HAS3: variants seen among roughly 807,000 people sequenced by gnomAD.
The protein encoded by HAS3 is hyaluronan synthase 3, also known as HA synthase 3.
In HAS3, 27 loss-of-function variants were observed where a neutral mutation model predicts 50.3. The ratio of observed to expected loss-of-function variants is 0.54; its 90% CI spans 0.40 to 0.74. HAS3 has a LOEUF of 0.74. Among genes scored for constraint, HAS3 ranks in the 30% least tolerant of loss-of-function variants. The probability of loss-of-function intolerance (pLI) is 0.00; values close to 1 mark genes in which losing one functional copy is unlikely to be tolerated. For synonymous variants in HAS3, 339 were observed against 310.9 expected (o/e 1.09, Z -0.95); for missense variants, 517 against 742.8 (o/e 0.70, Z 3.53).
Position 69,114,889 on chromosome 16 carries a change from T to C in HAS3, c.1285T>C (p.Phe429Leu), listed in dbSNP as rs753168415. The C allele has an allele frequency of 1.9e-6, 3 of 1,614,136 alleles. No individual in the cohort carries two copies. In the South Asian group the frequency reaches 3.3e-5, roughly 18 times the overall value. The change falls in exon 4 of 4, where the codon TTC (phenylalanine) becomes CTC (leucine). Residue 429 changes from phenylalanine (F) to leucine (L), a missense_variant. Phe to Leu is a conservative substitution (Grantham distance 22). Coordinates refer to ENST00000569188, the MANE Select transcript of HAS3 (RefSeq NM_001199280.2). The surrounding 1 kb of genome is among the most constrained non-coding windows in gnomAD (Gnocchi z 6.4). The stretch of plus-strand genomic sequence containing the variant: ...CATTATCAAGGCCACCTACGCCTGC[T>C]TCCTTCGGGGCAATGCAGAGATGAT... ...VGIIKATYAC[F>L]LRGNAEMIFM...
chr16:69,109,809 G>A lies in HAS3; in HGVS notation c.414G>A (p.Glu138=). The change falls in exon 2 of 4, where the codon GAG becomes GAA. Residue 138 remains glutamate (E), a synonymous_variant. Coordinates refer to ENST00000569188, the MANE Select transcript of HAS3 (RefSeq NM_001199280.2). This position sits in a 1 kb window ranked among gnomAD's most constrained non-coding sequence, Gnocchi z 5.3. ...EDAYMLDIFH[E]VLGGTEQAGF... ...CCTACATGCTGGACATCTTCCACGAGGTGCTGGGCGGCACCGAGCAGGCCG... is the reference window on the plus strand; with the variant it reads ...CCTACATGCTGGACATCTTCCACGAAGTGCTGGGCGGCACCGAGCAGGCCG... The A allele has an allele frequency of 6.2e-7, 1 of 1,612,496 alleles. No individual in the cohort carries two copies. Among genetic ancestry groups the A allele is most frequent in the Non-Finnish European group, 8.5e-7 (1 of 1,180,018 alleles).
rs767974007 is a variant in HAS3 at position 69,107,130 on chromosome 16, A to G, written c.-1+1343A>G. 1.2e-5 allele frequency: 2 copies of G among 161,382 alleles called. No homozygotes were observed. The highest frequency in any genetic ancestry group is 2.4e-5 in the African/African-American group (1 of 41,588). The allele number at this position is 161,382 out of a possible 1,614,324, so 10.0% of individuals were successfully genotyped here. ...GCGGTCCAGGCTGTAGGATCACCCCACAGCCTCTGCCGGCTTGGGGTGACA... is the reference window on the plus strand; with the variant it reads ...GCGGTCCAGGCTGTAGGATCACCCCGCAGCCTCTGCCGGCTTGGGGTGACA... On this transcript the variant is annotated intron_variant, in intron 1 of 3. Transcript: ENST00000569188. The surrounding 1 kb of genome is among the most constrained non-coding windows in gnomAD (Gnocchi z 5.5).
intron 2 of HAS3, among the ~76,000 whole-genome samples, chr16:69,110,732 AGGCCGTCT>A (rs1334324702): frequency 6.6e-6 from 1 of 152,202 alleles, no homozygotes; most frequent in African/African-American, 2.4e-5. Flanking sequence ...ATTTGCGCCC[AGGCCGTCT>A]GTCTCAAGTC....
At chr16:69,088,725 A>G in the HAS3 span, among the ~76,000 whole-genome samples, 8 of 152,136 alleles carry the variant, frequency 5.3e-5, no homozygotes, top group African/African-American at 1.9e-4. Flanking sequence ...AGGTGAATTA[A>G]TGAGCACTAA....
At chr16:69,102,789 G>A (rs1251899869), upstream of HAS3, among the ~76,000 whole-genome samples, 1 of 152,164 alleles carries the variant, frequency 6.6e-6, no homozygotes, top group Non-Finnish European at 1.5e-5. Context: ...GGACACAGTT[G>A]GAGTCTAAGA....
In HAS3 at chr16:69,114,256, A is replaced by C; in HGVS notation, c.739-87A>C. The C allele has an allele frequency of 6.7e-7, 1 of 1,502,324 alleles. No individual in the cohort carries two copies. The highest frequency in any genetic ancestry group is 8.8e-7 in the Non-Finnish European group (1 of 1,133,870). The allele number at this position is 1,502,324 out of a possible 1,614,324, so 93.1% of individuals were successfully genotyped here. A position where few individuals can be genotyped will look rare whatever the true frequency, so the allele number is the denominator to read the frequency against. Reference sequence around the variant, plus strand: ...AGGAATCTAAGCAGCGGGCCACAGAAGCCATGGTAAGGAGGCCTCGTGGTC... The same window carrying C: ...AGGAATCTAAGCAGCGGGCCACAGACGCCATGGTAAGGAGGCCTCGTGGTC... On this transcript the variant is annotated intron_variant, in intron 3 of 3. Coordinates refer to ENST00000569188, the MANE Select transcript of HAS3 (RefSeq NM_001199280.2). The surrounding 1 kb of genome is among the most constrained non-coding windows in gnomAD (Gnocchi z 6.4).
rs1388657895 is a variant in HAS3, at chr16:69,109,728, C to T, written c.333C>T (p.Ile111=). Residue 111 remains isoleucine (I), a synonymous_variant, in exon 2 of 4, where the codon ATC becomes ATT. Coordinates refer to ENST00000569188, the MANE Select transcript of HAS3 (RefSeq NM_001199280.2). This position sits in a 1 kb window ranked among gnomAD's most constrained non-coding sequence, Gnocchi z 5.3. ...AGTGCCTGCGCTCGGCCCAGCGCAT[C>T]TCCTTCCCTGACCTCAAGGTGGTCA... ...LRKCLRSAQR[I]SFPDLKVVMV... The T allele has an allele frequency of 6.2e-7, 1 of 1,611,244 alleles. No individual in the cohort carries two copies. Among genetic ancestry groups the T allele is most frequent in the Non-Finnish European group, 8.5e-7 (1 of 1,179,974 alleles).
chr16:69,093,572 C>G, the HAS3 span, among the ~76,000 whole-genome samples: 1 of 122,384 alleles, frequency 8.2e-6, no homozygotes, highest in African/African-American at 3.2e-5. Context: ...CTCTTGTTGT[C>G]CAGGCTGGAG....
Position 69,109,542 on chromosome 16 carries a change from C to T in HAS3, c.147C>T (p.Gly49=), listed in dbSNP as rs374669707. The T allele has an allele frequency of 4.5e-5, 72 of 1,613,826 alleles. No homozygotes were observed. The highest frequency in any genetic ancestry group is 2.9e-4 in the East Asian group (13 of 44,896). Residue 49 remains glycine (G), a synonymous_variant, in exon 2 of 4, where the codon GGC becomes GGT. Coordinates refer to ENST00000569188, the MANE Select transcript of HAS3 (RefSeq NM_001199280.2). The surrounding 1 kb of genome is among the most constrained non-coding windows in gnomAD (Gnocchi z 5.3). The stretch of plus-strand genomic sequence containing the variant: ...ACTACCTGTCCTTCGGCCTGTACGG[C>T]GCCATCCTGGGCCTGCACCTGCTCA... ...EKHYLSFGLY[G]AILGLHLLIQ... is the part of the protein sequence containing the mutation.
chr16:69,117,150 G>A lies in HAS3; in HGVS notation c.*1884G>A. The A allele has an allele frequency of 1.0e-6, 1 of 985,856 alleles. No homozygotes were observed. Among genetic ancestry groups the A allele is most frequent in the Non-Finnish European group, 1.2e-6 (1 of 829,930 alleles). The allele number at this position is 985,856 out of a possible 1,614,324, so 61.1% of individuals were successfully genotyped here. ...AGCTGATCCAGGCAATCGTTCTGCT[G>A]GCCAAGAAGTTAAACTATTTTGAGC... On this transcript the variant is annotated 3_prime_UTR_variant, in exon 4 of 4. Coordinates refer to ENST00000569188, the MANE Select transcript of HAS3 (RefSeq NM_001199280.2).
chr16:69,115,473 G>T lies in HAS3; in HGVS notation c.*207G>T. The T allele has an allele frequency of 7.8e-7, 1 of 1,274,372 alleles. No individual in the cohort carries two copies. Among genetic ancestry groups the T allele is most frequent in the Non-Finnish European group, 9.9e-7 (1 of 1,013,362 alleles). 78.9% of individuals were successfully genotyped at this position (1,274,372 alleles called of 1,614,324 possible). A position where few individuals can be genotyped will look rare whatever the true frequency, so the allele number is the denominator to read the frequency against. Reference sequence around the variant, plus strand: ...GGCAACACTGATCCCCCAGATGCAGGGCTGCAGGGGATTCTGTGTTTTCAG... The same window carrying T: ...GGCAACACTGATCCCCCAGATGCAGTGCTGCAGGGGATTCTGTGTTTTCAG... On this transcript the variant is annotated 3_prime_UTR_variant, in exon 4 of 4. Transcript: ENST00000569188.
chr16:69,099,636 G>A, the HAS3 span, among the ~76,000 whole-genome samples: 1 of 152,132 alleles, frequency 6.6e-6, no homozygotes, highest in Non-Finnish European at 1.5e-5. Flanking sequence ...TAATTCATAC[G>A]ATTTTAAAGA....
intron 1 of HAS3, among the ~76,000 whole-genome samples, chr16:69,108,157 G>A (rs565303094): frequency 2.0e-5 from 3 of 152,144 alleles, no homozygotes; most frequent in Non-Finnish European, 4.4e-5. Flanking sequence ...GAATGGGAAG[G>A]CCGGCAGCCA....
Position 69,114,224 on chromosome 16 carries a change from G to A in HAS3, c.739-119G>A, listed in dbSNP as rs555578135. 68 of 1,453,470 alleles carry A rather than the reference G, an allele frequency of 4.7e-5. 1 individual carries two copies. In the South Asian group the frequency reaches 6.5e-4, roughly 14 times the overall value. 90.0% of individuals were successfully genotyped at this position (1,453,470 alleles called of 1,614,324 possible). ...CAGGTTTCCCAGCTCCAAAGGAACC[G>A]ATGGCCAGGAATCTAAGCAGCGGGC... is the stretch of plus-strand genomic sequence containing the variant. On this transcript the variant is annotated intron_variant, in intron 3 of 3. Transcript: ENST00000569188. This position sits in a 1 kb window ranked among gnomAD's most constrained non-coding sequence, Gnocchi z 6.4.
upstream of HAS3, among the ~76,000 whole-genome samples, chr16:69,103,731 A>T (rs1347440423): frequency 6.6e-6 from 1 of 152,110 alleles, no homozygotes; most frequent in Non-Finnish European, 1.5e-5. Context: ...CTGATCCTTG[A>T]ACTTGCTGTC....
chr16:69,113,388 C>A, intron 2 of HAS3, 53 bp from the exon 3 acceptor site: 1 of 1,149,334 alleles, frequency 8.7e-7, no homozygotes, highest in Non-Finnish European at 1.3e-6. Context: ...GGGTGGGGGA[C>A]AGGGTGTGCA....
the HAS3 span, among the ~76,000 whole-genome samples, chr16:69,097,066 C>T: frequency 6.6e-6 from 1 of 152,112 alleles, no homozygotes; most frequent in Admixed American, 6.6e-5. Flanking sequence ...GTGGGAGGAT[C>T]CCTTGAGCCC....
Position 69,117,498 on chromosome 16 carries a change from G to GTATT in HAS3, c.*2232_*2233insTATT. The GTATT allele has an allele frequency of 1.0e-6, 1 of 977,624 alleles. No homozygotes were observed. Among genetic ancestry groups the GTATT allele is most frequent in the Non-Finnish European group, 1.2e-6 (1 of 823,126 alleles). The allele number at this position is 977,624 out of a possible 1,614,324, so 60.6% of individuals were successfully genotyped here. Reference sequence around the variant, plus strand: ...GCCTTTATACAATTGGACGCATTTTGGTTTTTCCTCATTGAGAATTCAAAT... The same window carrying GTATT: ...GCCTTTATACAATTGGACGCATTTTGTATTGTTTTTCCTCATTGAGAATTCAAAT... On this transcript the variant is annotated 3_prime_UTR_variant, in exon 4 of 4. Transcript: ENST00000569188.
At position 69,113,548 on chromosome 16, in the gene HAS3, A is replaced by T. The variant is rs1961079011; in HGVS notation, c.738+6A>T. ...GAGTCGGGGGAGATGTCCAGGTAAG[A>T]TGAGACCAGGGATATCTGTGGGGAG... On this transcript the variant is annotated splice_donor_region_variant and intron_variant, in intron 3 of 3. Transcript: ENST00000569188. 6.5e-7 allele frequency: 1 copy of T among 1,532,108 alleles called. No individual in the cohort carries two copies. Among genetic ancestry groups the T allele is most frequent in the African/African-American group, 1.4e-5 (1 of 73,316 alleles). The allele number at this position is 1,532,108 out of a possible 1,614,324, so 94.9% of individuals were successfully genotyped here.
Sources: gnomAD v4.1 joint callset for allele counts (sites outside exome capture counted in the v4.1 genomes callset) on GRCh38, gnomAD v4.1.1 for gene constraint, Gnocchi (gnomAD v3.1) non-coding constraint, MANE v1.5 for transcripts, NCBI Gene and HGNC (gene_info 2026-07-23, HGNC 2026-07-21) for gene names.